APBB1IP: variants seen among roughly 807,000 people sequenced by gnomAD.
APBB1IP encodes the protein amyloid beta A4 precursor protein-binding family B member 1-interacting protein.
A neutral mutation model predicts 64.9 loss-of-function variants in APBB1IP; 27 were observed. The observed-to-expected ratio is 0.42, with a 90% CI of 0.31 to 0.57. The LOEUF is 0.57. Ranked by LOEUF, APBB1IP falls within the 20% of genes least tolerant of loss-of-function variation. The pLI is 0.20. For missense variants in APBB1IP, 812 were observed against 845.5 expected, an observed-to-expected ratio of 0.96 and a Z score of 0.49; for synonymous variants, 392 against 331.0, an observed-to-expected ratio of 1.18 and a Z score of -2.00.
Position 26,500,898 on chromosome 10 carries a change from G to C in APBB1IP, c.240G>C (p.Gln80His). 1 of 1,614,206 alleles carries C rather than the reference G, an allele frequency of 6.2e-7. No individual in the cohort carries two copies. Among genetic ancestry groups the C allele is most frequent in the Non-Finnish European group, 8.5e-7 (1 of 1,180,032 alleles). The change falls in exon 5 of 15, where the codon CAG becomes CAC. Residue 80 changes from glutamine to histidine, a missense_variant. Coordinates refer to ENST00000376236, the MANE Select transcript of APBB1IP (RefSeq NM_019043.4). ...DLVADISEAE[Q>H]RTIQAQKESL... ...TAGCAGACATAAGTGAGGCTGAGCA[G>C]AGGACAATCCAGGCACAGAAAGAGT...
chr10:26,504,283 C>T (rs1374430337), intron 6 of APBB1IP, among the ~76,000 whole-genome samples: 1 of 152,186 alleles, frequency 6.6e-6, no homozygotes, highest in East Asian at 1.9e-4. Flanking sequence ...CCCAACTTTC[C>T]TAATAAGCCT....
At chr10:26,456,558 A>G (rs1484153847) in intron 2 of APBB1IP, among the ~76,000 whole-genome samples, 1 of 151,988 alleles carries the variant, frequency 6.6e-6, no homozygotes, top group Non-Finnish European at 1.5e-5. Flanking sequence ...TTTTAAGAAG[A>G]AAACTCTGGT....
intron 8 of APBB1IP, among the ~76,000 whole-genome samples, chr10:26,519,476 T>G (rs754964664): frequency 1.3e-3 from 204 of 152,036 alleles, no homozygotes; most frequent in Non-Finnish European, 2.4e-3. Context: ...GCATGCAACA[T>G]GCTTTTAAAC....
chr10:26,561,048 T>C (rs964047633), intron 13 of APBB1IP, among the ~76,000 whole-genome samples: 9 of 141,810 alleles, frequency 6.3e-5, no homozygotes, highest in Non-Finnish European at 1.2e-4. Context: ...TCTTTTCTTT[T>C]TTTCTTTCTT....
At chr10:26,511,381 T>C (rs1167483531) in intron 6 of APBB1IP, among the ~76,000 whole-genome samples, 1 of 152,142 alleles carries the variant, frequency 6.6e-6, no homozygotes. Context: ...ACATAGCTTT[T>C]AATCTAGAAA....
chr10:26,546,232 T>C lies in APBB1IP; in HGVS notation c.1155+4540T>C, dbSNP rs184555492. 2.6e-4 allele frequency among the ~76,000 whole-genome samples: 39 copies of C among 152,296 alleles called. 1 individual carries two copies. The East Asian group carries it at 5.0e-3, about 20-fold the overall frequency. ...CAATGTCTAGAAACATATCAGCACT[T>C]AGTAAGTGGTAGTTATTATTGCCCT... On this transcript the variant is annotated intron_variant, in intron 11 of 14. Transcript: ENST00000376236.
intron 8 of APBB1IP, among the ~76,000 whole-genome samples, chr10:26,525,208 G>A (rs12358633): frequency 1.3e-5 from 2 of 151,998 alleles, no homozygotes; most frequent in African/African-American, 4.8e-5. Flanking sequence ...CTTGAGCCTA[G>A]AAGGTCGAGG....
chr10:26,512,695 C>T (rs1262565065), intron 7 of APBB1IP, among the ~76,000 whole-genome samples: 2 of 152,072 alleles, frequency 1.3e-5, no homozygotes, highest in African/African-American at 4.8e-5. Flanking sequence ...CAGCCTCGAG[C>T]TCCTGGGCTC....
chr10:26,489,333 G>C (rs77641909), intron 2 of APBB1IP, among the ~76,000 whole-genome samples: 1 of 152,194 alleles, frequency 6.6e-6, no homozygotes, highest in East Asian at 1.9e-4. Flanking sequence ...CCTGTTTGGC[G>C]AGGGTGATAA....
chr10:26,520,504 C>CTTAATTATTT (rs1305186130), intron 8 of APBB1IP, among the ~76,000 whole-genome samples: 3 of 152,136 alleles, frequency 2.0e-5, no homozygotes. Context: ...ACTTAACAGA[C>CTTAATTATTT]GTCTTTTACA....
intron 6 of APBB1IP, among the ~76,000 whole-genome samples, chr10:26,504,251 G>T (rs1308142476): frequency 6.6e-6 from 1 of 152,162 alleles, no homozygotes; most frequent in African/African-American, 2.4e-5. Flanking sequence ...TTCAAAATAG[G>T]TTTTGAGTAA....
chr10:26,524,955 C>CTTTCTTTTTTTTTTTTTTTT lies in APBB1IP; in HGVS notation c.814-8481_814-8480insCTTTTTTTTTTTTTTTTTTT, dbSNP rs747655095. Among the ~76,000 whole-genome samples, 37 of 73,954 alleles carry CTTTCTTTTTTTTTTTTTTTT rather than the reference C, an allele frequency of 5.0e-4. 2 individuals are homozygous for CTTTCTTTTTTTTTTTTTTTT. The highest frequency in any genetic ancestry group is 8.3e-4 in the African/African-American group (18 of 21,732). The allele number at this position is 73,954 out of a possible 152,430, so 48.5% of individuals were successfully genotyped here. A position where few individuals can be genotyped will look rare whatever the true frequency, so the allele number is the denominator to read the frequency against. ...TCTTTTTCTTTCTCTTTCTTTCTTTCTTTTTTTTTTTTTTTTTTTATAAAA... is the reference window on the plus strand; with the variant it reads ...TCTTTTTCTTTCTCTTTCTTTCTTTCTTTCTTTTTTTTTTTTTTTTTTTTTTTTTTTTTTTTTTTATAAAA... On this transcript the variant is annotated intron_variant, in intron 8 of 14. Coordinates refer to ENST00000376236, the MANE Select transcript of APBB1IP (RefSeq NM_019043.4).
chr10:26,566,839 G>T, intron 14 of APBB1IP, 122 bp from the exon 15 acceptor site: 1 of 1,141,272 alleles, frequency 8.8e-7, no homozygotes, highest in Non-Finnish European at 1.2e-6. Context: ...AGTAAGTCCA[G>T]ATCGCGCCAC....
chr10:26,470,129 A>G (rs1314814853), intron 2 of APBB1IP, among the ~76,000 whole-genome samples: 1 of 152,238 alleles, frequency 6.6e-6, no homozygotes, highest in African/African-American at 2.4e-5. Context: ...ATGGTGGTGC[A>G]AAAGCAACAC....
chr10:26,560,903 T>G, intron 13 of APBB1IP, 59 bp downstream of exon 13: 1 of 1,305,758 alleles, frequency 7.7e-7, no homozygotes, highest in Non-Finnish European at 1.1e-6. Context: ...CAGTTCAAAA[T>G]GTATCCAATA....
intron 5 of APBB1IP, among the ~76,000 whole-genome samples, chr10:26,502,785 G>C (rs1292894125): frequency 1.3e-5 from 2 of 152,162 alleles, no homozygotes; most frequent in Non-Finnish European, 2.9e-5. Flanking sequence ...CAAATCCCTG[G>C]AGATGTGTCA....
intron 7 of APBB1IP, 137 bp from the exon 8 acceptor site, chr10:26,513,402 G>C (rs1042111986): frequency 1.0e-5 from 9 of 858,260 alleles, no homozygotes; most frequent in Non-Finnish European, 1.7e-5. Context: ...TTACAGTGTG[G>C]CATCATGTGA....
chr10:26,492,094 T>C (rs896356746), intron 2 of APBB1IP, among the ~76,000 whole-genome samples: 4 of 152,024 alleles, frequency 2.6e-5, no homozygotes, highest in African/African-American at 7.2e-5. Flanking sequence ...CCTGGAAAAA[T>C]TCAACTGTGG....
chr10:26,563,882 G>A (rs924520470), intron 14 of APBB1IP, among the ~76,000 whole-genome samples: 8 of 151,814 alleles, frequency 5.3e-5, no homozygotes, highest in African/African-American at 1.7e-4. Flanking sequence ...CTCCTCATGC[G>A]ATGTGCTTTC....
Sources: allele counts gnomAD v4.1 joint callset (sites outside exome capture counted in the v4.1 genomes callset), GRCh38; gene constraint gnomAD v4.1.1; transcripts MANE v1.5; gene names NCBI Gene and HGNC (gene_info 2026-07-23, HGNC 2026-07-21).